LAPTM4B: variants seen among roughly 807,000 people sequenced by gnomAD.
LAPTM4B encodes the protein lysosomal protein transmembrane 4 beta, also known as lysosomal-associated transmembrane protein 4B.
In LAPTM4B, 26 loss-of-function variants were observed where a neutral mutation model predicts 28.5. The observed-to-expected ratio is 0.91, with a 90% CI of 0.67 to 1.27. The LOEUF (loss-of-function observed/expected upper bound fraction) is 1.27, where lower values mean the gene tolerates loss of function less well. Among genes scored for constraint, LAPTM4B ranks in the 50% most tolerant of loss-of-function variants. The pLI, the probability that LAPTM4B is intolerant of heterozygous loss-of-function variation, is 0.00. For synonymous variants in LAPTM4B, 109 were observed against 106.4 expected, an observed-to-expected ratio of 1.02 and a Z score of -0.15; for missense variants, 288 against 285.8, an observed-to-expected ratio of 1.01 and a Z score of -0.06.
At chr8:97,850,808 C>G (rs957457300) in intron 6 of LAPTM4B, among the ~76,000 whole-genome samples, 3 of 147,864 alleles carry the variant, frequency 2.0e-5, no homozygotes, top group Admixed American at 1.4e-4. Context: ...TGTTAGTTTA[C>G]TGAATGAAGG....
At chr8:97,799,848 C>T (rs1330675034) in intron 1 of LAPTM4B, among the ~76,000 whole-genome samples, 3 of 152,140 alleles carry the variant, frequency 2.0e-5, no homozygotes, top group Non-Finnish European at 2.9e-5. Context: ...CTGACCCTGG[C>T]GTTCCAGCCA....
intron 1 of LAPTM4B, among the ~76,000 whole-genome samples, chr8:97,793,628 A>G (rs925572116): frequency 1.4e-4 from 22 of 152,228 alleles, no homozygotes; most frequent in African/African-American, 4.8e-4. Flanking sequence ...GAATTAGTAT[A>G]TTTTGTACAT....
In LAPTM4B at chr8:97,849,620, ACT is replaced by A. The variant is rs575302166; in HGVS notation, c.604-1774_604-1773del. 4.9e-4 allele frequency among the ~76,000 whole-genome samples: 74 copies of A among 152,192 alleles called. 1 individual carries two copies. In the South Asian group the frequency reaches 0.015, roughly 31 times the overall value. ...GAACAAAGGCCGGCTGGCGGGTGCG[ACT>A]CTGGCGCATTGCCTTTGCCTGTGTG... is the stretch of plus-strand genomic sequence containing the variant. On this transcript the variant is annotated intron_variant, in intron 6 of 6. Coordinates refer to ENST00000521545, the MANE Select transcript of LAPTM4B (RefSeq NM_018407.6).
intron 6 of LAPTM4B, among the ~76,000 whole-genome samples, chr8:97,827,809 G>A (rs1817114326): frequency 6.6e-6 from 1 of 152,212 alleles, no homozygotes; most frequent in African/African-American, 2.4e-5. Flanking sequence ...AGTTTTATAG[G>A]TTAGGGGTAA....
intron 6 of LAPTM4B, among the ~76,000 whole-genome samples, chr8:97,847,978 T>G (rs1450111008): frequency 6.6e-6 from 1 of 152,204 alleles, no homozygotes; most frequent in Non-Finnish European, 1.5e-5. Flanking sequence ...GATATTAAAG[T>G]ACTGGCTGGG....
chr8:97,805,863 G>C (rs994382467), intron 2 of LAPTM4B, among the ~76,000 whole-genome samples: 1 of 152,144 alleles, frequency 6.6e-6, no homozygotes. Flanking sequence ...TGATGTTGCA[G>C]ATTATTTGGG....
intron 1 of LAPTM4B, 29 bp from the exon 2 acceptor site, chr8:97,805,324 C>CTTTTTTTTTTT (rs386413439): frequency 2.1e-5 from 18 of 843,594 alleles, no homozygotes; most frequent in South Asian, 8.5e-5. Flanking sequence ...TACTTAAATT[C>CTTTTTTTTTTT]TTTTTTTTTT....
chr8:97,797,360 C>T (rs951241567), intron 1 of LAPTM4B, among the ~76,000 whole-genome samples: 3 of 151,972 alleles, frequency 2.0e-5, no homozygotes, highest in Non-Finnish European at 2.9e-5. Flanking sequence ...CTCGAACTCC[C>T]GACCTCAGGT....
At chr8:97,820,283 T>C (rs1192838682) in intron 5 of LAPTM4B, among the ~76,000 whole-genome samples, 1 of 145,134 alleles carries the variant, frequency 6.9e-6, no homozygotes, top group Non-Finnish European at 1.5e-5. Flanking sequence ...TTTTTCTTTT[T>C]TTATTTATTT....
intron 2 of LAPTM4B, among the ~76,000 whole-genome samples, chr8:97,805,971 G>A (rs10955133): frequency 0.44 from 67,479 of 151,912 alleles, 15,467 homozygotes; most frequent in East Asian, 0.57. Flanking sequence ...GAAGATCACT[G>A]CAGCCTCATC....
chr8:97,825,099 C>A lies in LAPTM4B; in HGVS notation c.549C>A (p.Ile183=). The change falls in exon 6 of 7, where the codon ATC becomes ATA. Residue 183 remains isoleucine (I), a synonymous_variant. Coordinates refer to ENST00000521545, the MANE Select transcript of LAPTM4B (RefSeq NM_018407.6). ...ISCVWNCYRY[I]NGRNSSDVLV... ...GTGTTTGGAACTGCTACCGATACAT[C>A]AATGGTAGGAACTCCTCTGATGTCC... 6.2e-7 allele frequency: 1 copy of A among 1,611,724 alleles called. No individual in the cohort carries two copies. The highest frequency in any genetic ancestry group is 1.1e-5 in the South Asian group (1 of 90,998).
At chr8:97,799,063 T>C (rs888588596) in intron 1 of LAPTM4B, among the ~76,000 whole-genome samples, 2 of 152,210 alleles carry the variant, frequency 1.3e-5, no homozygotes, top group African/African-American at 4.8e-5. Flanking sequence ...ACTGTATCTC[T>C]AGTAATTCTG....
In LAPTM4B at chr8:97,851,411, G is replaced by T. The variant is rs147233429; in HGVS notation, c.618G>T (p.Pro206=). ...TTTCTTCTCAGGTGCTGCTACCCCC[G>T]TATGATGATGCCACTGTGAATGGTG... ...TSNDTTVLLP[P]YDDATVNGAA... is the part of the protein sequence containing the mutation. Residue 206 remains proline (P), a synonymous_variant, in exon 7 of 7, where the codon CCG becomes CCT. Transcript: ENST00000521545. 55 of 1,614,024 alleles carry T rather than the reference G, an allele frequency of 3.4e-5. 1 individual carries two copies. The East Asian group carries it at 4.7e-4, about 14-fold the overall frequency.
rs184888749 is a variant in LAPTM4B, at chr8:97,783,319, G to A, written c.99+7211G>A. Among the ~76,000 whole-genome samples the A allele has an allele frequency of 2.1e-3, 323 of 151,936 alleles. 2 individuals carry two copies. Among genetic ancestry groups the A allele is most frequent in the Non-Finnish European group, 2.7e-3 (185 of 67,990 alleles). ...TTATACTTTAAGTTCTGGGATACAA[G>A]TGCAGACCTGGTCTTTCAAAGAATC... On this transcript the variant is annotated intron_variant, in intron 1 of 6. Coordinates refer to ENST00000521545, the MANE Select transcript of LAPTM4B (RefSeq NM_018407.6).
chr8:97,817,015 C>G (rs1816928354), intron 4 of LAPTM4B, among the ~76,000 whole-genome samples: 1 of 152,148 alleles, frequency 6.6e-6, no homozygotes, highest in South Asian at 2.1e-4. Flanking sequence ...TTTGTTTGAC[C>G]ATAGAATCCC....
At chr8:97,794,794 A>G (rs1212907347) in intron 1 of LAPTM4B, among the ~76,000 whole-genome samples, 1 of 151,966 alleles carries the variant, frequency 6.6e-6, no homozygotes, top group Admixed American at 6.6e-5. Context: ...GCTCACTGCA[A>G]CCTCCACCTC....
rs535120159 is a variant in LAPTM4B at position 97,849,905 on chromosome 8, C to T, written c.604-1492C>T. ...CAGGGCCCAGTGCGAGCGGAGACAG[C>T]GGTGGCAGCGCCTCTCAGGCGGTTT... On this transcript the variant is annotated intron_variant, in intron 6 of 6. Coordinates refer to ENST00000521545, the MANE Select transcript of LAPTM4B (RefSeq NM_018407.6). Among the ~76,000 whole-genome samples the T allele has an allele frequency of 2.6e-3, 400 of 151,966 alleles. 13 individuals are homozygous for T. The highest frequency in any genetic ancestry group is 8.7e-3 in the African/African-American group (360 of 41,288).
chr8:97,788,303 A>AT, intron 1 of LAPTM4B: 1 of 389,012 alleles, frequency 2.6e-6, no homozygotes, highest in South Asian at 2.4e-5. Context: ...GGAATGGGAC[A>AT]TTTTTGCTTT....
At chr8:97,797,690 G>A (rs1816613080) in intron 1 of LAPTM4B, among the ~76,000 whole-genome samples, 1 of 107,862 alleles carries the variant, frequency 9.3e-6, no homozygotes, top group African/African-American at 4.9e-5. Context: ...TGTTCATAAG[G>A]ATTTTTTTTA....
Sources: gnomAD v4.1 joint callset for allele counts (sites outside exome capture counted in the v4.1 genomes callset) on GRCh38, gnomAD v4.1.1 for gene constraint, MANE v1.5 for transcripts, NCBI Gene and HGNC (gene_info 2026-07-23, HGNC 2026-07-21) for gene names.